Variants in COL21A1 observed in about 807,000 individuals in gnomAD.
COL21A1 encodes the protein collagen alpha-1(XXI) chain.
COL21A1 carries 149 observed loss-of-function variants against 137.9 expected under a neutral mutation model. The observed-to-expected ratio is 1.08, with a 90% CI of 0.95 to 1.24. COL21A1 has a LOEUF of 1.24. COL21A1 is among the 50% of genes most tolerant of loss of function. The probability of loss-of-function intolerance (pLI) is 0.00; values close to 1 mark genes in which losing one functional copy is unlikely to be tolerated. For synonymous variants in COL21A1, 456 were observed against 391.5 expected, an observed-to-expected ratio of 1.16 and a Z score of -1.95; for missense variants, 1,167 against 1,158.4, an observed-to-expected ratio of 1.01 and a Z score of -0.11.
intron 10 of COL21A1, among the ~76,000 whole-genome samples, chr6:56,150,755 G>C (rs1324560471): frequency 6.7e-6 from 1 of 149,532 alleles, no homozygotes; most frequent in Non-Finnish European, 1.5e-5. Flanking sequence ...TGGAATCCTA[G>C]AATATCAGAT....
At chr6:56,245,759 T>A (rs1175510678) in intron 1 of COL21A1, among the ~76,000 whole-genome samples, 1 of 152,178 alleles carries the variant, frequency 6.6e-6, no homozygotes, top group East Asian at 1.9e-4. Flanking sequence ...AGACCAAAGT[T>A]CCTGTTCCTA....
At chr6:56,225,643 G>A (rs9464364) in intron 1 of COL21A1, among the ~76,000 whole-genome samples, 2,091 of 152,074 alleles carry the variant, frequency 0.014, 44 homozygotes, top group African/African-American at 0.047. Flanking sequence ...AATCTGATGA[G>A]AACTTTGGCA....
chr6:56,212,437 C>T (rs571949157), intron 1 of COL21A1, among the ~76,000 whole-genome samples: 130 of 152,056 alleles, frequency 8.5e-4, no homozygotes, highest in Non-Finnish European at 1.5e-3. Flanking sequence ...ATACCTATTC[C>T]TACTCCGAGG....
Position 56,126,066 on chromosome 6 carries a change from C to T in COL21A1, c.1596+30G>A, listed in dbSNP as rs771066027. 241 of 1,427,672 alleles carry T rather than the reference C, an allele frequency of 1.7e-4. 1 individual carries two copies. Among genetic ancestry groups the T allele is most frequent in the Admixed American group, 3.3e-4 (14 of 42,948 alleles). 88.4% of individuals were successfully genotyped at this position (1,427,672 alleles called of 1,614,324 possible). A position where few individuals can be genotyped will look rare whatever the true frequency, so the allele number is the denominator to read the frequency against. Reference sequence around the variant, plus strand: ...ATATTTGAATTAAAAAATGGCTTTGCTATATTTAAAAGAAACAGATTTCTT... The same window carrying T: ...ATATTTGAATTAAAAAATGGCTTTGTTATATTTAAAAGAAACAGATTTCTT... On this transcript the variant is annotated intron_variant, in intron 13 of 29. Transcript: ENST00000244728.
intron 10 of COL21A1, among the ~76,000 whole-genome samples, chr6:56,146,302 C>T: frequency 6.6e-6 from 1 of 152,110 alleles, no homozygotes; most frequent in East Asian, 1.9e-4. Flanking sequence ...GCCAACGTAA[C>T]TAGGTAACCA....
chr6:56,137,310 G>T (rs1448326078), intron 12 of COL21A1, among the ~76,000 whole-genome samples: 1 of 152,090 alleles, frequency 6.6e-6, no homozygotes, highest in Admixed American at 6.6e-5. Context: ...AAATAGAAAA[G>T]GGTACACACC....
intron 1 of COL21A1, among the ~76,000 whole-genome samples, chr6:56,293,407 T>C (rs1764098174): frequency 1.3e-5 from 2 of 152,256 alleles, no homozygotes; most frequent in South Asian, 4.1e-4. Flanking sequence ...ATTCTTTTAG[T>C]GTAGATGAAT....
chr6:56,351,753 A>C (rs1241509524), intron 1 of COL21A1, among the ~76,000 whole-genome samples: 1 of 152,234 alleles, frequency 6.6e-6, no homozygotes, highest in South Asian at 2.1e-4. Context: ...GAAGAAGGTG[A>C]AATAGACCTT....
At chr6:56,230,135 T>C (rs1781464402) in intron 1 of COL21A1, among the ~76,000 whole-genome samples, 1 of 151,968 alleles carries the variant, frequency 6.6e-6, no homozygotes, top group African/African-American at 2.4e-5. Flanking sequence ...CTGTGGGTCC[T>C]GTAAAAAAAA....
At chr6:56,265,991 C>A (rs548762577) in intron 1 of COL21A1, among the ~76,000 whole-genome samples, 3 of 152,142 alleles carry the variant, frequency 2.0e-5, no homozygotes, top group Non-Finnish European at 2.9e-5. Context: ...GGCCCATGAA[C>A]CCTGCCTCAG....
intron 9 of COL21A1, among the ~76,000 whole-genome samples, chr6:56,158,174 GAAGTCACTGCCGT>G (rs1775898619): frequency 6.6e-6 from 1 of 150,592 alleles, no homozygotes; most frequent in Non-Finnish European, 1.5e-5. Context: ...TGAAAAATAT[GAAGTCACTGCCGT>G]AAGTATCAGG....
In COL21A1 at chr6:56,170,763, A is replaced by G. The variant is rs1296037994; in HGVS notation, c.912T>C (p.Asp304=). 1 of 1,608,308 alleles carries G rather than the reference A, an allele frequency of 6.2e-7. No individual in the cohort carries two copies. The highest frequency in any genetic ancestry group is 2.2e-5 in the East Asian group (1 of 44,776). The change falls in exon 5 of 30, where the codon GAT becomes GAC. Residue 304 remains aspartate (D), a synonymous_variant. Transcript: ENST00000244728. ...IWDLWRILTI[D]GRPQIAVTLN... is the part of the protein sequence containing the mutation. ...AGGTAACTGCTATTTGTGGCCTTCC[A>G]TCAATAGTTAATATTCTCCATAAAT... is the stretch of plus-strand genomic sequence containing the variant.
chr6:56,362,587 A>C (rs1310363612), intron 1 of COL21A1, among the ~76,000 whole-genome samples: 2 of 151,930 alleles, frequency 1.3e-5, no homozygotes, highest in African/African-American at 4.8e-5. Flanking sequence ...TCCCTCTGAC[A>C]TCTCCTTCTC....
chr6:56,276,849 C>T, intron 1 of COL21A1: 1 of 662,424 alleles, frequency 1.5e-6, no homozygotes, highest in South Asian at 1.9e-5. Flanking sequence ...CGCTCTGTCG[C>T]CCAGGCTGGA....
chr6:56,296,077 A>T (rs554762508), intron 1 of COL21A1, among the ~76,000 whole-genome samples: 1 of 151,986 alleles, frequency 6.6e-6, no homozygotes, highest in Admixed American at 6.6e-5. Flanking sequence ...TTTTTTACAG[A>T]TGTTCTTTAT....
chr6:56,150,242 G>A (rs1441089889), intron 10 of COL21A1, among the ~76,000 whole-genome samples: 2 of 152,234 alleles, frequency 1.3e-5, no homozygotes, highest in East Asian at 1.9e-4. Flanking sequence ...GGAACTGGCT[G>A]GGTGCGGTGG....
intron 1 of COL21A1, among the ~76,000 whole-genome samples, chr6:56,292,820 T>G (rs1764084135): frequency 6.6e-6 from 1 of 152,216 alleles, no homozygotes; most frequent in Non-Finnish European, 1.5e-5. Flanking sequence ...AAGCTTAGAT[T>G]GTAATTGTAA....
intron 16 of COL21A1, among the ~76,000 whole-genome samples, chr6:56,110,187 A>AT (rs1183622458): frequency 6.6e-6 from 1 of 151,938 alleles, no homozygotes; most frequent in Non-Finnish European, 1.5e-5. Context: ...ACATACAAAA[A>AT]TCAATGTTGT....
At chr6:56,229,162 C>T (rs944632775) in intron 1 of COL21A1, among the ~76,000 whole-genome samples, 2 of 151,882 alleles carry the variant, frequency 1.3e-5, no homozygotes, top group Admixed American at 6.6e-5. Context: ...AGGAGAATTG[C>T]TTGAGATCAG....
Sources: gnomAD v4.1 joint callset for allele counts (sites outside exome capture counted in the v4.1 genomes callset) on GRCh38, gnomAD v4.1.1 for gene constraint, MANE v1.5 for transcripts, NCBI Gene and HGNC (gene_info 2026-07-23, HGNC 2026-07-21) for gene names.